The following B3GALT1 variants were observed in gnomAD, a reference collection of about 807,000 sequenced individuals.
The protein encoded by B3GALT1 is beta-1,3-galactosyltransferase 1.
A neutral mutation model predicts 23.2 loss-of-function variants in B3GALT1; 10 were observed. The observed-to-expected ratio is 0.43, with a 90% CI of 0.27 to 0.73. B3GALT1 has a LOEUF of 0.73. Ranked by LOEUF, B3GALT1 falls within the 30% of genes least tolerant of loss-of-function variation. The pLI is 0.21. For missense variants in B3GALT1, 299 were observed against 405.4 expected, an observed-to-expected ratio of 0.74 and a Z score of 2.25; for synonymous variants, 156 against 141.5, an observed-to-expected ratio of 1.10 and a Z score of -0.73.
At chr2:167,858,183 A>G (rs769653764) in intron 4 of B3GALT1, among the ~76,000 whole-genome samples, 2 of 152,126 alleles carry the variant, frequency 1.3e-5, no homozygotes, top group Admixed American at 1.3e-4. Flanking sequence ...TAATGACAAT[A>G]GTCATGACAT....
chr2:167,652,910 G>A (rs560155017), intron 3 of B3GALT1, among the ~76,000 whole-genome samples: 6 of 152,090 alleles, frequency 3.9e-5, no homozygotes, highest in South Asian at 2.1e-4. Flanking sequence ...TAAGAAAAAC[G>A]AAGTTGTTTG....
chr2:167,520,644 C>A (rs998317473), intron 2 of B3GALT1, among the ~76,000 whole-genome samples: 1 of 152,176 alleles, frequency 6.6e-6, no homozygotes, highest in African/African-American at 2.4e-5. Context: ...TTTTGCTTTG[C>A]CTGGATGACT....
At chr2:167,495,555 A>G (rs982526380) in intron 2 of B3GALT1, among the ~76,000 whole-genome samples, 6 of 151,570 alleles carry the variant, frequency 4.0e-5, no homozygotes, top group Non-Finnish European at 7.4e-5. Flanking sequence ...CTGGTCTCGA[A>G]CTCCCAACCT....
At chr2:167,726,000 G>A (rs973410891) in intron 3 of B3GALT1, among the ~76,000 whole-genome samples, 1 of 152,116 alleles carries the variant, frequency 6.6e-6, no homozygotes, top group Non-Finnish European at 1.5e-5. Context: ...CTCTGGTGTT[G>A]GGGATCAAAT....
intron 3 of B3GALT1, among the ~76,000 whole-genome samples, chr2:167,670,465 A>G (rs1686304201): frequency 6.6e-6 from 1 of 152,208 alleles, no homozygotes; most frequent in African/African-American, 2.4e-5. Flanking sequence ...AAATGCAAAA[A>G]CAACAATGCA....
intron 1 of B3GALT1, among the ~76,000 whole-genome samples, chr2:167,439,922 C>G (rs1574078952): frequency 6.8e-6 from 1 of 146,144 alleles, no homozygotes; most frequent in East Asian, 1.9e-4. Context: ...CAGGATACTT[C>G]ACAGCTACAT....
chr2:167,710,850 C>G (rs907105774), intron 3 of B3GALT1, among the ~76,000 whole-genome samples: 1 of 152,162 alleles, frequency 6.6e-6, no homozygotes, highest in African/African-American at 2.4e-5. Context: ...CATCTCTCAC[C>G]TGGGCTAAGT....
At chr2:167,739,165 G>A (rs1477791266) in intron 3 of B3GALT1, among the ~76,000 whole-genome samples, 1 of 152,144 alleles carries the variant, frequency 6.6e-6, no homozygotes, top group Non-Finnish European at 1.5e-5. Flanking sequence ...TCATTCTAAG[G>A]TGCACCCTGT....
chr2:167,364,205 A>C (rs1041917064), intron 1 of B3GALT1, among the ~76,000 whole-genome samples: 4 of 149,444 alleles, frequency 2.7e-5, no homozygotes, highest in African/African-American at 9.8e-5. Context: ...AGAAAACTCC[A>C]CTTTCAGCAC....
intron 4 of B3GALT1, among the ~76,000 whole-genome samples, chr2:167,821,358 C>T (rs836699): frequency 0.27 from 40,004 of 149,976 alleles, 5,788 homozygotes; most frequent in East Asian, 0.56. Flanking sequence ...GCAAATTGCA[C>T]GATATCCAAT....
chr2:167,589,028 A>C (rs1462861629), intron 2 of B3GALT1, among the ~76,000 whole-genome samples: 1 of 151,778 alleles, frequency 6.6e-6, no homozygotes, highest in Non-Finnish European at 1.5e-5. Flanking sequence ...CTGCAGCCTC[A>C]ACTCCTAGGC....
At chr2:167,397,678 A>G (rs1698119425) in intron 1 of B3GALT1, among the ~76,000 whole-genome samples, 1 of 152,164 alleles carries the variant, frequency 6.6e-6, no homozygotes, top group South Asian at 2.1e-4. Context: ...CTTTCTTGAC[A>G]TTATAGAATA....
At chr2:167,470,192 T>C (rs1699404066) in intron 1 of B3GALT1, among the ~76,000 whole-genome samples, 2 of 152,132 alleles carry the variant, frequency 1.3e-5, no homozygotes, top group Non-Finnish European at 2.9e-5. Flanking sequence ...ATGCCATTAA[T>C]TTAATAATAT....
intron 1 of B3GALT1, among the ~76,000 whole-genome samples, chr2:167,456,374 C>T (rs985008856): frequency 5.3e-5 from 8 of 152,160 alleles, no homozygotes; most frequent in African/African-American, 1.7e-4. Flanking sequence ...CCCACCAGGC[C>T]CCACCTACAA....
chr2:167,296,461 TC>T (rs1365019180), intron 1 of B3GALT1, among the ~76,000 whole-genome samples: 1 of 152,188 alleles, frequency 6.6e-6, no homozygotes, highest in African/African-American at 2.4e-5. Context: ...TCTCATTTTT[TC>T]TTTGTCTCTT....
intron 2 of B3GALT1, among the ~76,000 whole-genome samples, chr2:167,615,464 A>C (rs971798357): frequency 3.9e-5 from 6 of 152,062 alleles, no homozygotes; most frequent in African/African-American, 1.4e-4. Flanking sequence ...TAAGTTTAGA[A>C]GGTCTACTGT....
At chr2:167,751,812 G>A (rs999692633) in intron 3 of B3GALT1, among the ~76,000 whole-genome samples, 3 of 152,144 alleles carry the variant, frequency 2.0e-5, no homozygotes, top group Non-Finnish European at 2.9e-5. Context: ...GTGTGTGCCC[G>A]AGTTTCTGAT....
intron 1 of B3GALT1, among the ~76,000 whole-genome samples, chr2:167,372,985 A>G (rs1315731778): frequency 6.6e-6 from 1 of 152,118 alleles, no homozygotes; most frequent in Non-Finnish European, 1.5e-5. Flanking sequence ...TTATGTGGAA[A>G]TAAAAATGAC....
chr2:167,852,323 C>T (rs535809046), intron 4 of B3GALT1, among the ~76,000 whole-genome samples: 2 of 152,258 alleles, frequency 1.3e-5, no homozygotes, highest in South Asian at 2.1e-4. Flanking sequence ...CCTACCACAA[C>T]AGCAAATCAG....
Sources: gnomAD v4.1 joint callset for allele counts (sites outside exome capture counted in the v4.1 genomes callset) on GRCh38, gnomAD v4.1.1 for gene constraint, MANE v1.5 for transcripts, NCBI Gene and HGNC (gene_info 2026-07-23, HGNC 2026-07-21) for gene names.